The following DHX37 variants were observed in gnomAD, a reference collection of about 807,000 sequenced individuals.
The protein encoded by DHX37 is DEAH-box helicase 37.
A neutral mutation model predicts 134.3 loss-of-function variants in DHX37; 52 were observed. That is an observed-to-expected ratio of 0.39 (90% CI 0.31 to 0.49). The LOEUF (loss-of-function observed/expected upper bound fraction) is 0.49. DHX37 is among the 20% of genes least tolerant of loss of function. The pLI, the probability that DHX37 is intolerant of heterozygous loss-of-function variation, is 0.93. For missense variants in DHX37, 1,344 were observed against 1,580.8 expected (o/e 0.85, Z 2.54); for synonymous variants, 634 against 670.7 (o/e 0.95, Z 0.85).
chr12:124,953,945 G>A lies in DHX37; in HGVS notation c.2630C>T (p.Ala877Val), dbSNP rs1299566909. 6.2e-7 allele frequency: 1 copy of A among 1,613,392 alleles called. No individual in the cohort carries two copies. Among genetic ancestry groups the A allele is most frequent in the Non-Finnish European group, 8.5e-7 (1 of 1,179,926 alleles). Residue 877 changes from alanine to valine, a missense_variant, in exon 20 of 27, where the codon GCC becomes GTC. Physicochemically the swap from Ala to Val is moderately conservative, Grantham distance 64. Coordinates refer to ENST00000308736, the MANE Select transcript of DHX37 (RefSeq NM_032656.4). ...CATGGCTTTGTACCGCAGCCCGTTG[G>A]CTTCGCAAAACTGGGGTGTGCAGCT... Reference protein sequence around the residue: ...YASCTPQFCEANGLRYKAMME... With the variant: ...YASCTPQFCEVNGLRYKAMME...
chr12:124,949,359 G>A lies in DHX37; in HGVS notation c.3290+627C>T, dbSNP rs999386808. The stretch of plus-strand genomic sequence containing the variant: ...ATAGGCCCCACCAGCCCCAGGAAGG[G>A]GGAGGTGTCTGTGGGTCTGGACCAC... On this transcript the variant is annotated intron_variant, in intron 25 of 26. Transcript: ENST00000308736. This position sits in a 1 kb window ranked among gnomAD's most constrained non-coding sequence, Gnocchi z 4.0. 2.6e-5 allele frequency among the ~76,000 whole-genome samples: 4 copies of A among 152,212 alleles called. No homozygotes were observed. Among genetic ancestry groups the A allele is most frequent in the African/African-American group, 9.6e-5 (4 of 41,456 alleles).
Position 124,980,693 on chromosome 12 carries a change from G to T in DHX37, c.535C>A (p.Leu179Met), listed in dbSNP as rs1328411406. The change falls in exon 4 of 27, where the codon CTG becomes ATG. Residue 179 changes from leucine (L) to methionine (M), a missense_variant. Physicochemically the swap from Leu to Met is conservative, Grantham distance 15. This residue lies in a region of DHX37 where 319 missense variants were observed against 296.1 expected (regional missense o/e 1.08). Coordinates refer to ENST00000308736, the MANE Select transcript of DHX37 (RefSeq NM_032656.4). This position sits in a 1 kb window ranked among gnomAD's most constrained non-coding sequence, Gnocchi z 5.3. ...GGCTCAGCAGCTGGGTCCTCGTCCAGCTCCGACTCCTCCTCCAGCTCCGAT... is the reference window on the plus strand; with the variant it reads ...GGCTCAGCAGCTGGGTCCTCGTCCATCTCCGACTCCTCCTCCAGCTCCGAT... The part of the protein sequence containing the change: ...SESELEEESE[L>M]DEDPAAEPAE... 1 of 1,578,076 alleles carries T rather than the reference G, an allele frequency of 6.3e-7. No homozygotes were observed. The highest frequency in any genetic ancestry group is 2.3e-5 in the East Asian group (1 of 42,830).
At chr12:124,977,941 C>T (rs1008665361) in intron 4 of DHX37, among the ~76,000 whole-genome samples, 9 of 152,136 alleles carry the variant, frequency 5.9e-5, no homozygotes, top group Non-Finnish European at 1.2e-4. Flanking sequence ...TGACTCAGTA[C>T]ACACACAGGC....
intron 14 of DHX37, 117 bp downstream of exon 14, chr12:124,964,813 A>C: frequency 3.5e-6 from 5 of 1,435,150 alleles, no homozygotes; most frequent in Non-Finnish European, 4.7e-6. Context: ...ATATTCCTCA[A>C]AACTCTGGGG....
In DHX37 at chr12:124,981,966, A is replaced by G. The variant is rs944323370; in HGVS notation, c.389+545T>C. On this transcript the variant is annotated intron_variant, in intron 3 of 26. Coordinates refer to ENST00000308736, the MANE Select transcript of DHX37 (RefSeq NM_032656.4). Reference sequence around the variant, plus strand: ...TGGAGAAACCCCGTCTCTACTAAAAATACAAAATTAGCCGGGCTTGGTGGT... The same window carrying G: ...TGGAGAAACCCCGTCTCTACTAAAAGTACAAAATTAGCCGGGCTTGGTGGT... 9.9e-5 allele frequency among the ~76,000 whole-genome samples: 15 copies of G among 151,968 alleles called. No homozygotes were observed. The South Asian group carries it at 2.5e-3, about 25-fold the overall frequency.
chr12:124,983,569 G>A (rs1212959225), intron 2 of DHX37, among the ~76,000 whole-genome samples: 1 of 151,684 alleles, frequency 6.6e-6, no homozygotes, highest in African/African-American at 2.4e-5. Context: ...TGGATCACCT[G>A]AGGTCAGGAG....
At position 124,949,326 on chromosome 12, in the gene DHX37, C is replaced by A. The variant is rs1007894722; in HGVS notation, c.3290+660G>T. ...AGGCCTGCCTCCAGTGCCCCAAGCC[C>A]CTGCACCATAGGCCCCACCAGCCCC... is the stretch of plus-strand genomic sequence containing the variant. On this transcript the variant is annotated intron_variant, in intron 25 of 26. Coordinates refer to ENST00000308736, the MANE Select transcript of DHX37 (RefSeq NM_032656.4). This position sits in a 1 kb window ranked among gnomAD's most constrained non-coding sequence, Gnocchi z 4.0. Among the ~76,000 whole-genome samples the A allele has an allele frequency of 6.6e-6, 1 of 152,198 alleles. No homozygotes were observed. Among genetic ancestry groups the A allele is most frequent in the African/African-American group, 2.4e-5 (1 of 41,444 alleles).
At position 124,980,728 on chromosome 12, in the gene DHX37, T is replaced by G. The variant is rs1013499537; in HGVS notation, c.500A>C (p.Glu167Ala). Residue 167 changes from glutamate to alanine, a missense_variant, in exon 4 of 27, where the codon GAG (glutamate) becomes GCG (alanine). By Grantham distance (107) the Glu-to-Ala change is moderately radical. Coordinates refer to ENST00000308736, the MANE Select transcript of DHX37 (RefSeq NM_032656.4). This position sits in a 1 kb window ranked among gnomAD's most constrained non-coding sequence, Gnocchi z 5.3. Reference sequence around the variant, plus strand: ...CTCCTCCAGCTCCGATTCCGACTCCTCCTCCTCCTCCTCCTCCTCCTCAGC... The same window carrying G: ...CTCCTCCAGCTCCGATTCCGACTCCGCCTCCTCCTCCTCCTCCTCCTCAGC... ...PSAEEEEEEEEESESELEEES... is the reference protein window; with the variant it reads ...PSAEEEEEEEAESESELEEES... The G allele has an allele frequency of 4.1e-5, 63 of 1,541,576 alleles. No individual in the cohort carries two copies. The highest frequency in any genetic ancestry group is 7.7e-5 in the Admixed American group (4 of 51,772).
In DHX37 at chr12:124,966,885, GA is replaced by G. The variant is rs1391482012; in HGVS notation, c.1505-8del. On this transcript the variant is annotated splice_polypyrimidine_tract_variant and splice_region_variant and intron_variant, in intron 11 of 26. Transcript: ENST00000308736. ...TTCTGATCGTCGTCCTTTTCTGGGA[GA>G]GGGGCAGGTTGGGGAGAAAGGCGTC... The G allele has an allele frequency of 9.3e-6, 15 of 1,614,258 alleles. No individual in the cohort carries two copies. Among genetic ancestry groups the G allele is most frequent in the Middle Eastern group, 1.6e-4 (1 of 6,062 alleles).
At position 124,980,604 on chromosome 12, in the gene DHX37, C is replaced by T. The variant is rs1446385166; in HGVS notation, c.624G>A (p.Gln208=). Reference sequence around the variant, plus strand: ...GAACAGTCATCCCAGCCGGCACGGGCTGACTGCTGGGTGCTGGAGCTGGCG... The same window carrying T: ...GAACAGTCATCCCAGCCGGCACGGGTTGACTGCTGGGTGCTGGAGCTGGCG... ...PLPPAPAPSS[Q]PVPAGMTVPP... The change falls in exon 4 of 27, where the codon CAG becomes CAA. Residue 208 remains glutamine (Q), a synonymous_variant. Transcript: ENST00000308736. The surrounding 1 kb of genome is among the most constrained non-coding windows in gnomAD (Gnocchi z 5.3). 6.2e-7 allele frequency: 1 copy of T among 1,610,460 alleles called. No homozygotes were observed. Among genetic ancestry groups the T allele is most frequent in the East Asian group, 2.2e-5 (1 of 44,846 alleles).
intron 8 of DHX37, among the ~76,000 whole-genome samples, chr12:124,970,134 G>C (rs547762481): frequency 6.6e-6 from 1 of 152,248 alleles, no homozygotes; most frequent in Admixed American, 6.5e-5. Flanking sequence ...CACCAGGCCT[G>C]GCTAATTTTT....
intron 16 of DHX37, among the ~76,000 whole-genome samples, chr12:124,959,613 G>A (rs986736364): frequency 2.6e-5 from 4 of 152,198 alleles, no homozygotes; most frequent in Non-Finnish European, 4.4e-5. Flanking sequence ...CAGGAATAAA[G>A]TACAGGATGT....
chr12:124,960,293 G>A lies in DHX37; in HGVS notation c.2157+19C>T, dbSNP rs749185586. On this transcript the variant is annotated intron_variant, in intron 16 of 26. Coordinates refer to ENST00000308736, the MANE Select transcript of DHX37 (RefSeq NM_032656.4). The stretch of plus-strand genomic sequence containing the variant: ...GTCCACTGGGGTGGCTGAGAGCGGG[G>A]CTGGGGGCAGCAACTGACCTTTTCA... 1.9e-6 allele frequency: 3 copies of A among 1,606,732 alleles called. No individual in the cohort carries two copies. Among genetic ancestry groups the A allele is most frequent in the Non-Finnish European group, 2.6e-6 (3 of 1,174,526 alleles).
chr12:124,981,499 A>G (rs1954759574), intron 3 of DHX37, among the ~76,000 whole-genome samples: 1 of 152,120 alleles, frequency 6.6e-6, no homozygotes, highest in Non-Finnish European at 1.5e-5. Context: ...CAGTGGTGCA[A>G]TCACGGCTCA....
intron 8 of DHX37, among the ~76,000 whole-genome samples, chr12:124,970,354 C>G (rs777862829): frequency 6.6e-6 from 1 of 152,204 alleles, no homozygotes; most frequent in Non-Finnish European, 1.5e-5. Context: ...GACTAAAAAC[C>G]ACTGAATTGT....
intron 4 of DHX37, among the ~76,000 whole-genome samples, chr12:124,979,519 C>T (rs1276869153): frequency 6.6e-6 from 1 of 152,196 alleles, no homozygotes; most frequent in African/African-American, 2.4e-5. Flanking sequence ...CAGCTGCCTG[C>T]ATCAACATGG....
chr12:124,961,187 C>T (rs555870859), intron 15 of DHX37, among the ~76,000 whole-genome samples: 9 of 22,352 alleles, frequency 4.0e-4, no homozygotes, highest in South Asian at 1.4e-3. Context: ...CATGCGCGCA[C>T]GCACACACAC....
In DHX37 at chr12:124,986,768, C is replaced by T. The variant is rs74530924; in HGVS notation, c.107-503G>A. ...ATTTTCTCTTTTTGTTTTTTTGAGA[C>T]GGTGTCTCACTTTGTCCCCCAGACT... On this transcript the variant is annotated intron_variant, in intron 1 of 26. Coordinates refer to ENST00000308736, the MANE Select transcript of DHX37 (RefSeq NM_032656.4). Among the ~76,000 whole-genome samples the T allele has an allele frequency of 4.1e-3, 617 of 151,872 alleles. 11 individuals are homozygous for T. The highest frequency in any genetic ancestry group is 0.035 in the East Asian group (180 of 5,072).
rs771447784 is a variant in DHX37 at position 124,947,914 on chromosome 12, T to A, written c.3389-27A>T. The A allele has an allele frequency of 5.6e-6, 9 of 1,610,748 alleles. 1 individual carries two copies. The highest frequency in any genetic ancestry group is 2.2e-5 in the East Asian group (1 of 44,794). ...TGCAGGGGAGGGAAGGAGGACAGTG[T>A]CAGGGTGACCCTGGGCCCAGGGACT... On this transcript the variant is annotated intron_variant, in intron 26 of 26. Coordinates refer to ENST00000308736, the MANE Select transcript of DHX37 (RefSeq NM_032656.4).
Sources: allele counts gnomAD v4.1 joint callset (sites outside exome capture counted in the v4.1 genomes callset), GRCh38; gene constraint gnomAD v4.1.1; regional missense constraint gnomAD v4.1.1; non-coding constraint Gnocchi (gnomAD v3.1); transcripts MANE v1.5; gene names NCBI Gene and HGNC (gene_info 2026-07-23, HGNC 2026-07-21).